The following PPP6R3 variants were observed in gnomAD, a reference collection of about 807,000 sequenced individuals.
The protein encoded by PPP6R3 is serine/threonine-protein phosphatase 6 regulatory subunit 3.
Under a neutral mutation model 110.7 loss-of-function variants are expected in PPP6R3, and 38 were observed. The ratio of observed to expected loss-of-function variants is 0.34; its 90% CI spans 0.26 to 0.45. The LOEUF (loss-of-function observed/expected upper bound fraction) is 0.45, where lower values mean the gene tolerates loss of function less well. PPP6R3 is among the 20% of genes least tolerant of loss of function. The pLI is 1.00. For missense variants in PPP6R3, 870 were observed against 1,062.4 expected, an observed-to-expected ratio of 0.82 and a Z score of 2.52; for synonymous variants, 369 against 373.5, an observed-to-expected ratio of 0.99 and a Z score of 0.14.
At chr11:68,480,102 C>T (rs1353447917) in intron 1 of PPP6R3, among the ~76,000 whole-genome samples, 1 of 151,514 alleles carries the variant, frequency 6.6e-6, no homozygotes, top group Non-Finnish European at 1.5e-5. Flanking sequence ...CCTGCTTTTT[C>T]AGTTGTCTCT....
At chr11:68,587,181 C>T (rs959553310) in intron 15 of PPP6R3, 1 of 149,880 alleles carries the variant, frequency 6.7e-6, no homozygotes, top group Non-Finnish European at 1.5e-5. Flanking sequence ...ATAACACCCC[C>T]CCCCCCCACA....
rs2099343263 is a variant in PPP6R3, at chr11:68,544,889, T to C, written c.279T>C (p.Asn93=). The change falls in exon 4 of 24, where the codon AAT becomes AAC. Residue 93 remains asparagine (N), a synonymous_variant. Transcript: ENST00000393800. The stretch of plus-strand genomic sequence containing the variant: ...TCACTTCTGATGTCTCCCAGATGAA[T>C]GATAGACTGGGAGAAGATGAATCCT... ...ELLTSDVSQM[N]DRLGEDESLL... 4 of 1,607,884 alleles carry C rather than the reference T, an allele frequency of 2.5e-6. No individual in the cohort carries two copies. The highest frequency in any genetic ancestry group is 1.7e-6 in the Non-Finnish European group (2 of 1,174,374).
intron 2 of PPP6R3, among the ~76,000 whole-genome samples, chr11:68,523,085 A>T (rs189017561): frequency 7.9e-5 from 12 of 152,304 alleles, no homozygotes; most frequent in African/African-American, 1.2e-4. Flanking sequence ...TCTTACATGG[A>T]TAGCTCCTTC....
At chr11:68,589,852 G>A (rs1448895636) in intron 16 of PPP6R3, among the ~76,000 whole-genome samples, 1 of 152,240 alleles carries the variant, frequency 6.6e-6, no homozygotes, top group Non-Finnish European at 1.5e-5. Flanking sequence ...GCTGTAAACA[G>A]CAAGAGTTGA....
At chr11:68,548,580 T>C (rs1565765562) in intron 5 of PPP6R3, among the ~76,000 whole-genome samples, 1 of 152,128 alleles carries the variant, frequency 6.6e-6, no homozygotes, top group Non-Finnish European at 1.5e-5. Flanking sequence ...GAGTATGTTA[T>C]GAGGCCACGC....
intron 1 of PPP6R3, among the ~76,000 whole-genome samples, chr11:68,487,092 C>T (rs1424461037): frequency 1.3e-5 from 2 of 152,006 alleles, no homozygotes; most frequent in Admixed American, 6.6e-5. Flanking sequence ...TGCTCTAATT[C>T]TTCTTTTCTT....
chr11:68,566,678 AG>A lies in PPP6R3; in HGVS notation c.976-335del, dbSNP rs1188488284. On this transcript the variant is annotated intron_variant, in intron 9 of 23. Coordinates refer to ENST00000393800, the MANE Select transcript of PPP6R3 (RefSeq NM_001164161.2). ...GCCCGGCCATAACTTCTTTTAGTTTAGATTTCTGGTCAGATTTTGAAATATT... is the reference window on the plus strand; with the variant it reads ...GCCCGGCCATAACTTCTTTTAGTTTAATTTCTGGTCAGATTTTGAAATATT... Among the ~76,000 whole-genome samples, 5 of 152,272 alleles carry A rather than the reference AG, an allele frequency of 3.3e-5. No individual in the cohort carries two copies. In the East Asian group the frequency reaches 9.6e-4, roughly 29 times the overall value.
intron 14 of PPP6R3, among the ~76,000 whole-genome samples, chr11:68,581,494 T>C (rs534995024): frequency 6.6e-6 from 1 of 152,370 alleles, no homozygotes; most frequent in South Asian, 2.1e-4. Flanking sequence ...TGCATGGCCT[T>C]CTATTTCTGT....
intron 1 of PPP6R3, among the ~76,000 whole-genome samples, chr11:68,470,005 G>C (rs1472190911): frequency 1.3e-5 from 2 of 151,638 alleles, no homozygotes; most frequent in Non-Finnish European, 2.9e-5. Flanking sequence ...TTCTTTTTTT[G>C]CCCCCACTCA....
intron 1 of PPP6R3, among the ~76,000 whole-genome samples, chr11:68,465,129 GC>G (rs770170368): frequency 6.6e-6 from 1 of 152,148 alleles, no homozygotes; most frequent in Non-Finnish European, 1.5e-5. Flanking sequence ...TGATCCGCCC[GC>G]CTCGGCCTCC....
chr11:68,475,339 T>C (rs1456619342), intron 1 of PPP6R3, among the ~76,000 whole-genome samples: 2 of 152,206 alleles, frequency 1.3e-5, no homozygotes, highest in Non-Finnish European at 2.9e-5. Flanking sequence ...AGCAACAATC[T>C]GATTTCTCTG....
At chr11:68,607,116 G>A (rs1940541460) in intron 22 of PPP6R3, among the ~76,000 whole-genome samples, 1 of 152,140 alleles carries the variant, frequency 6.6e-6, no homozygotes, top group Non-Finnish European at 1.5e-5. Flanking sequence ...AGTGTTTAAC[G>A]CAGTCTCAAT....
intron 14 of PPP6R3, among the ~76,000 whole-genome samples, chr11:68,577,768 A>G (rs1450399203): frequency 1.3e-5 from 2 of 152,212 alleles, no homozygotes; most frequent in Admixed American, 1.3e-4. Flanking sequence ...ACTGTGTTAG[A>G]AAAAAATTAT....
chr11:68,550,433 G>T (rs1409359233), intron 5 of PPP6R3, among the ~76,000 whole-genome samples: 3 of 152,062 alleles, frequency 2.0e-5, no homozygotes, highest in Non-Finnish European at 4.4e-5. Flanking sequence ...GTTGATGATG[G>T]TGTTTTGGGC....
chr11:68,608,025 G>A (rs1209841526), intron 22 of PPP6R3, among the ~76,000 whole-genome samples: 2 of 134,482 alleles, frequency 1.5e-5, no homozygotes, highest in Non-Finnish European at 1.6e-5. Context: ...TTCCTCGGCA[G>A]GACTTCTTTA....
chr11:68,573,114 T>TTATATATATA (rs60848718), intron 12 of PPP6R3, among the ~76,000 whole-genome samples: 1,981 of 61,370 alleles, frequency 0.032, 71 homozygotes, highest in Non-Finnish European at 0.036. Context: ...TTTACTTATT[T>TTATATATATA]TATATATATA....
chr11:68,464,556 C>G (rs898810164), intron 1 of PPP6R3, among the ~76,000 whole-genome samples: 1 of 152,172 alleles, frequency 6.6e-6, no homozygotes, highest in Non-Finnish European at 1.5e-5. Context: ...GATCTGTGAA[C>G]TTGGTCTTTG....
At chr11:68,462,564 A>G (rs2098715551) in intron 1 of PPP6R3, among the ~76,000 whole-genome samples, 2 of 152,152 alleles carry the variant, frequency 1.3e-5, no homozygotes, top group African/African-American at 4.8e-5. Context: ...GTTACTGAAA[A>G]CTGTAAGGGT....
intron 18 of PPP6R3, among the ~76,000 whole-genome samples, chr11:68,594,339 AGAGAGAGT>A (rs1158670424): frequency 2.2e-5 from 3 of 133,722 alleles, no homozygotes; most frequent in African/African-American, 5.5e-5. Context: ...AGAGAGTGAG[AGAGAGAGT>A]GAGAGAGAGA....
Sources: gnomAD v4.1 joint callset for allele counts (sites outside exome capture counted in the v4.1 genomes callset) on GRCh38, gnomAD v4.1.1 for gene constraint, MANE v1.5 for transcripts, NCBI Gene and HGNC (gene_info 2026-07-23, HGNC 2026-07-21) for gene names.